The following PTPRN2 variants were observed in gnomAD, a reference collection of about 807,000 sequenced individuals.
PTPRN2 encodes protein tyrosine phosphatase receptor type N2.
PTPRN2 carries 74 observed loss-of-function variants against 118.8 expected under a neutral mutation model. The ratio of observed to expected loss-of-function variants is 0.62; its 90% confidence interval spans 0.52 to 0.76. The LOEUF (loss-of-function observed/expected upper bound fraction) is 0.76. Among genes scored for constraint, PTPRN2 ranks in the 30% least tolerant of loss-of-function variants. The probability of loss-of-function intolerance (pLI) is 0.00; values close to 1 mark genes in which losing one functional copy is unlikely to be tolerated. For synonymous variants in PTPRN2, 641 were observed against 608.0 expected (o/e 1.05, Z -0.80); for missense variants, 1,481 against 1,394.4 (o/e 1.06, Z -0.99).
chr7:158,059,134 C>G (rs1810076347), intron 11 of PTPRN2, among the ~76,000 whole-genome samples: 1 of 125,808 alleles, frequency 7.9e-6, no homozygotes, highest in African/African-American at 3.7e-5. Flanking sequence ...TCCATCTGCC[C>G]ACGGTGAGAC....
At chr7:158,258,328 G>A (rs955869302) in intron 3 of PTPRN2, among the ~76,000 whole-genome samples, 13 of 152,250 alleles carry the variant, frequency 8.5e-5, no homozygotes, top group South Asian at 4.1e-4. Flanking sequence ...CGCGACTGGC[G>A]TGGAAAGGGC....
chr7:157,651,464 T>C (rs887371567), intron 14 of PTPRN2, among the ~76,000 whole-genome samples: 8 of 152,196 alleles, frequency 5.3e-5, no homozygotes, highest in Non-Finnish European at 1.0e-4. Flanking sequence ...AATGGAGAAG[T>C]ATGAAGCCAA....
intron 9 of PTPRN2, 98 bp from the exon 10 acceptor site, chr7:158,111,013 A>C: frequency 9.8e-7 from 1 of 1,023,170 alleles, no homozygotes; most frequent in Non-Finnish European, 1.4e-6. Context: ...CCTGGTCCCC[A>C]CACACACCCT....
intron 11 of PTPRN2, among the ~76,000 whole-genome samples, chr7:158,010,249 T>C (rs1433869579): frequency 1.3e-5 from 2 of 152,124 alleles, no homozygotes; most frequent in Non-Finnish European, 2.9e-5. Context: ...TCCAGGTCCG[T>C]CCTTTCCTTC....
At chr7:157,962,254 G>A (rs186859787) in intron 11 of PTPRN2, among the ~76,000 whole-genome samples, 1 of 152,322 alleles carries the variant, frequency 6.6e-6, no homozygotes, top group East Asian at 1.9e-4. Flanking sequence ...TGTGTTTCCT[G>A]GTCGATGAAA....
chr7:158,347,072 T>G (rs774909113), intron 2 of PTPRN2, among the ~76,000 whole-genome samples: 4 of 152,210 alleles, frequency 2.6e-5, no homozygotes, highest in Non-Finnish European at 5.9e-5. Context: ...CTCTGCTAAC[T>G]GTTTTGTTTG....
chr7:157,675,172 T>C (rs139726231), intron 13 of PTPRN2, among the ~76,000 whole-genome samples: 19 of 152,320 alleles, frequency 1.2e-4, no homozygotes, highest in Non-Finnish European at 2.4e-4. Context: ...CAACACCCAC[T>C]TTATTTCACA....
At chr7:158,322,357 G>A (rs1042591842) in intron 2 of PTPRN2, among the ~76,000 whole-genome samples, 4 of 152,228 alleles carry the variant, frequency 2.6e-5, no homozygotes, top group Admixed American at 6.5e-5. Context: ...AAAAGGGCAC[G>A]AGAGCACCTG....
chr7:158,137,245 G>A (rs1319008627), intron 7 of PTPRN2, among the ~76,000 whole-genome samples: 6 of 152,086 alleles, frequency 3.9e-5, no homozygotes, highest in Non-Finnish European at 5.9e-5. Flanking sequence ...GCGAAACCCC[G>A]TCTCTACTAA....
intron 3 of PTPRN2, among the ~76,000 whole-genome samples, chr7:158,235,641 TAGAC>T (rs1030657022): frequency 2.6e-5 from 4 of 152,042 alleles, no homozygotes; most frequent in South Asian, 2.1e-4. Flanking sequence ...TGGCTACAAA[TAGAC>T]AGAAGAAATA....
intron 11 of PTPRN2, among the ~76,000 whole-genome samples, chr7:158,007,247 G>C (rs529511390): frequency 8.5e-5 from 13 of 152,208 alleles, no homozygotes; most frequent in Non-Finnish European, 1.8e-4. Context: ...GTGAACTTGG[G>C]GAACACACGT....
intron 5 of PTPRN2, among the ~76,000 whole-genome samples, chr7:158,169,803 TG>T (rs1039292016): frequency 3.3e-5 from 5 of 152,052 alleles, no homozygotes; most frequent in African/African-American, 1.2e-4. Flanking sequence ...GCGACTCTCC[TG>T]CTTCAGCCTC....
intron 6 of PTPRN2, among the ~76,000 whole-genome samples, chr7:158,144,669 C>A (rs1819722899): frequency 6.6e-6 from 1 of 152,172 alleles, no homozygotes; most frequent in South Asian, 2.1e-4. Context: ...GGGACATCAG[C>A]AGGCATCCCG....
In PTPRN2 at chr7:157,988,387, C is replaced by T. The variant is rs374316756; in HGVS notation, c.1724-89650G>A. 1.4e-4 allele frequency among the ~76,000 whole-genome samples: 21 copies of T among 152,282 alleles called. No homozygotes were observed. The East Asian group carries it at 2.9e-3, about 21-fold the overall frequency. On this transcript the variant is annotated intron_variant, in intron 11 of 22. Transcript: ENST00000389418. ...TCTCCTGAGGCTGGTTTGCAGTGGC[C>T]GGGCCCAGCTAAAGCAACTGAACCT...
intron 12 of PTPRN2, among the ~76,000 whole-genome samples, chr7:157,870,784 T>A (rs931017432): frequency 1.3e-5 from 2 of 152,228 alleles, no homozygotes; most frequent in Non-Finnish European, 2.9e-5. Flanking sequence ...GGCCAGGAGC[T>A]GCATGGCCTC....
At chr7:157,833,940 A>C (rs1042953993) in intron 12 of PTPRN2, among the ~76,000 whole-genome samples, 3 of 152,220 alleles carry the variant, frequency 2.0e-5, no homozygotes, top group Non-Finnish European at 2.9e-5. Context: ...CACTGAACCC[A>C]GAAACCAACA....
chr7:157,797,526 C>T lies in PTPRN2; in HGVS notation c.1788+101147G>A, dbSNP rs145281250. Among the ~76,000 whole-genome samples the T allele has an allele frequency of 9.2e-4, 133 of 144,500 alleles. No individual in the cohort carries two copies. In the Middle Eastern group the frequency reaches 0.011, roughly 12 times the overall value. 94.8% of individuals were successfully genotyped at this position (144,500 alleles called of 152,430 possible). A position where few individuals can be genotyped will look rare whatever the true frequency, so the allele number is the denominator to read the frequency against. ...CAGGCTGAGGTCGTGGGAGGCATCC[C>T]GTGAGGGTCACACAGGCAAAGACTG... On this transcript the variant is annotated intron_variant, in intron 12 of 22. Coordinates refer to ENST00000389418, the MANE Select transcript of PTPRN2 (RefSeq NM_002847.5).
At chr7:158,210,894 G>A (rs1827541997) in intron 3 of PTPRN2, among the ~76,000 whole-genome samples, 1 of 152,120 alleles carries the variant, frequency 6.6e-6, no homozygotes, top group South Asian at 2.1e-4. Flanking sequence ...ATTTAAAGAA[G>A]AATCTTGCTC....
intron 11 of PTPRN2, among the ~76,000 whole-genome samples, chr7:158,071,277 C>CT (rs1563390199): frequency 2.1e-5 from 2 of 93,322 alleles, no homozygotes; most frequent in African/African-American, 8.6e-5. Flanking sequence ...GGTGGAGGTG[C>CT]CCGTGGTGGT....
Sources: gnomAD v4.1 joint callset for allele counts (sites outside exome capture counted in the v4.1 genomes callset) on GRCh38, gnomAD v4.1.1 for gene constraint, MANE v1.5 for transcripts, NCBI Gene and HGNC (gene_info 2026-07-23, HGNC 2026-07-21) for gene names.